Variants in ING3 observed in about 807,000 individuals in gnomAD.
ING3 encodes the protein inhibitor of growth family member 3, also known as inhibitor of growth protein 3.
ING3 carries 6 observed loss-of-function variants against 64.8 expected under a neutral mutation model. The ratio of observed to expected loss-of-function variants is 0.09; its 90% confidence interval spans 0.05 to 0.18. ING3 has a LOEUF of 0.18. Ranked by LOEUF, ING3 falls within the 10% of genes least tolerant of loss-of-function variation. The pLI, the probability that ING3 is intolerant of heterozygous loss-of-function variation, is 1.00. For synonymous variants in ING3, 170 were observed against 173.7 expected, an observed-to-expected ratio of 0.98 and a Z score of 0.17; for missense variants, 310 against 489.7, an observed-to-expected ratio of 0.63 and a Z score of 3.46.
chr7:120,958,173 C>T (rs971780335), intron 4 of ING3, among the ~76,000 whole-genome samples: 7 of 151,576 alleles, frequency 4.6e-5, no homozygotes, highest in African/African-American at 1.7e-4. Flanking sequence ...TCTTTTCTGC[C>T]CCCACCTTTG....
At chr7:120,964,285 G>C (rs1795970608) in intron 4 of ING3, among the ~76,000 whole-genome samples, 1 of 152,098 alleles carries the variant, frequency 6.6e-6, no homozygotes, top group Non-Finnish European at 1.5e-5. Flanking sequence ...CTTCTTTGTA[G>C]ACTGAGGATC....
chr7:120,955,739 T>C lies in ING3; in HGVS notation c.267+115T>C, dbSNP rs989363845. The C allele has an allele frequency of 4.5e-5, 31 of 695,746 alleles. No homozygotes were observed. In the East Asian group the frequency reaches 7.3e-4, roughly 16 times the overall value. 43.1% of individuals were successfully genotyped at this position (695,746 alleles called of 1,614,324 possible). ...AGCAACTAAAACTGAAGTATTGCTC[T>C]CTTGATCACATCTAATTTGACATTT... On this transcript the variant is annotated intron_variant, in intron 4 of 11. Coordinates refer to ENST00000315870, the MANE Select transcript of ING3 (RefSeq NM_019071.3).
chr7:120,970,641 T>C, intron 9 of ING3, 47 bp from the exon 10 acceptor site: 2 of 1,588,838 alleles, frequency 1.3e-6, no homozygotes, highest in Non-Finnish European at 1.7e-6. Context: ...TTATTCTCAG[T>C]TAACTTCTGG....
chr7:120,962,115 CTTA>C (rs1035390892), intron 4 of ING3, among the ~76,000 whole-genome samples: 5 of 152,132 alleles, frequency 3.3e-5, no homozygotes, highest in African/African-American at 1.2e-4. Context: ...GTTCACAGCT[CTTA>C]TTATGGCTGT....
intron 10 of ING3, among the ~76,000 whole-genome samples, chr7:120,972,726 A>G (rs1193694476): frequency 6.6e-6 from 1 of 152,194 alleles, no homozygotes; most frequent in African/African-American, 2.4e-5. Context: ...AGTGAACTCA[A>G]GAATTAGCAA....
At chr7:120,960,496 A>G (rs892992370) in intron 4 of ING3, among the ~76,000 whole-genome samples, 4 of 152,240 alleles carry the variant, frequency 2.6e-5, no homozygotes, top group Non-Finnish European at 5.9e-5. Context: ...ACATCACCAT[A>G]GTATGCAATT....
At chr7:120,974,675 T>C (rs997333451) in intron 11 of ING3, 53 bp from the exon 12 acceptor site, 5 of 955,138 alleles carry the variant, frequency 5.2e-6, no homozygotes, top group Admixed American at 1.8e-5. Context: ...TTTAATATAC[T>C]CTCTTGTCTT....
chr7:120,953,905 T>C (rs1426690203), intron 3 of ING3, among the ~76,000 whole-genome samples: 6 of 152,156 alleles, frequency 3.9e-5, no homozygotes, highest in Non-Finnish European at 7.4e-5. Context: ...GTTTTGTTAG[T>C]TTTATAGTGG....
Position 120,974,934 on chromosome 7 carries a change from T to C in ING3, c.*90T>C. ...AGAAGAGAAGAGAAAGAAGAAACAA[T>C]GCATTTCCAGGCAACCACTTAAAGG... is the stretch of plus-strand genomic sequence containing the variant. On this transcript the variant is annotated 3_prime_UTR_variant, in exon 12 of 12. Coordinates refer to ENST00000315870, the MANE Select transcript of ING3 (RefSeq NM_019071.3). 4.4e-6 allele frequency: 4 copies of C among 918,412 alleles called. No homozygotes were observed. In the South Asian group the frequency reaches 6.7e-5, roughly 15 times the overall value. The allele number at this position is 918,412 out of a possible 1,614,324, so 56.9% of individuals were successfully genotyped here.
intron 8 of ING3, 129 bp from the exon 9 acceptor site, chr7:120,968,882 T>G: frequency 1.9e-6 from 1 of 517,184 alleles, no homozygotes; most frequent in Non-Finnish European, 3.1e-6. Flanking sequence ...ATTCCAGTGA[T>G]GAAAATAATA....
chr7:120,970,479 A>ATAT (rs986687279), intron 9 of ING3, among the ~76,000 whole-genome samples: 7 of 152,096 alleles, frequency 4.6e-5, no homozygotes, highest in African/African-American at 1.7e-4. Flanking sequence ...AAAAAAAAAA[A>ATAT]ATACAAATAA....
In ING3 at chr7:120,960,098, G is replaced by C. The variant is rs1219886841; in HGVS notation, c.267+4474G>C. ...GTAGTCTAAGGAGATGACGTTTGAG[G>C]TGGTACTTGGAAAATAAGAAAGAAC... is the stretch of plus-strand genomic sequence containing the variant. On this transcript the variant is annotated intron_variant, in intron 4 of 11. Coordinates refer to ENST00000315870, the MANE Select transcript of ING3 (RefSeq NM_019071.3). Among the ~76,000 whole-genome samples, 6 of 152,216 alleles carry C rather than the reference G, an allele frequency of 3.9e-5. No individual in the cohort carries two copies. The East Asian group carries it at 1.2e-3, about 29-fold the overall frequency.
At chr7:120,953,430 A>C in intron 3 of ING3, 26 bp downstream of exon 3, 1 of 1,345,018 alleles carries the variant, frequency 7.4e-7, no homozygotes, top group Non-Finnish European at 1.1e-6. Context: ...TGGATAATTT[A>C]TCAAGAAATA....
At chr7:120,962,828 CTT>C (rs1187603483) in intron 4 of ING3, among the ~76,000 whole-genome samples, 5 of 151,998 alleles carry the variant, frequency 3.3e-5, no homozygotes, top group Non-Finnish European at 5.9e-5. Context: ...ACTTCTGACT[CTT>C]TTTGAACTGT....
intron 7 of ING3, 55 bp downstream of exon 7, chr7:120,967,703 G>A (rs1488786197): frequency 4.3e-5 from 65 of 1,497,330 alleles, no homozygotes; most frequent in Non-Finnish European, 5.8e-5. Context: ...AGAGTAAGGG[G>A]AAATAAAGTG....
Position 120,967,587 on chromosome 7 carries a change from A to G in ING3, c.495A>G (p.Lys165=), listed in dbSNP as rs1346049847. The G allele has an allele frequency of 1.1e-5, 17 of 1,603,980 alleles. No individual in the cohort carries two copies. Among genetic ancestry groups the G allele is most frequent in the South Asian group, 4.4e-5 (4 of 90,128 alleles). The stretch of plus-strand genomic sequence containing the variant: ...CAACAGATCATATTCCTGAAAAGAA[A>G]TTTAAATCTGAAGCTCTTCTATCCA... ...HTTTDHIPEK[K]FKSEALLSTL... is the part of the protein sequence containing the mutation. The change falls in exon 7 of 12, where the codon AAA becomes AAG. Residue 165 remains lysine (K), a synonymous_variant. Transcript: ENST00000315870.
intron 7 of ING3, 45 bp from the exon 8 acceptor site, chr7:120,967,889 T>G: frequency 6.3e-7 from 1 of 1,594,338 alleles, no homozygotes; most frequent in Non-Finnish European, 8.6e-7. Context: ...TCACTAACAT[T>G]ATGTTCTCTG....
intron 4 of ING3, among the ~76,000 whole-genome samples, chr7:120,962,824 G>T (rs1795950780): frequency 6.6e-6 from 1 of 151,770 alleles, no homozygotes; most frequent in Non-Finnish European, 1.5e-5. Flanking sequence ...TACAACTTCT[G>T]ACTCTTTTTG....
At chr7:120,966,879 A>G (rs1297319236) in intron 6 of ING3, among the ~76,000 whole-genome samples, 182 bp downstream of exon 6, 1 of 151,920 alleles carries the variant, frequency 6.6e-6, no homozygotes, top group African/African-American at 2.4e-5. Flanking sequence ...TTCGGAAATG[A>G]GTATTCTGTT....
Sources: allele counts gnomAD v4.1 joint callset (sites outside exome capture counted in the v4.1 genomes callset), GRCh38; gene constraint gnomAD v4.1.1; transcripts MANE v1.5; gene names NCBI Gene and HGNC (gene_info 2026-07-23, HGNC 2026-07-21).